Variants in GNAS observed in about 807,000 individuals in gnomAD.
The protein encoded by GNAS is GNAS complex locus, also known as protein ALEX.
GNAS carries 8 observed loss-of-function variants against 54.5 expected under a neutral mutation model. That is an observed-to-expected ratio of 0.15 (90% CI 0.09 to 0.26). The LOEUF (loss-of-function observed/expected upper bound fraction) is 0.26, where lower values mean the gene tolerates loss of function less well. GNAS is among the 10% of genes least tolerant of loss of function. GNAS has a pLI of 1.00. For missense variants in GNAS, 170 were observed against 529.8 expected (o/e 0.32, Z 6.67); for synonymous variants, 204 against 191.4 (o/e 1.07, Z -0.54).
chr20:58,890,810 G>C (rs2089146420), upstream of GNAS: 1 of 151,684 alleles, frequency 6.6e-6, no homozygotes, highest in South Asian at 2.1e-4. Context: ...ATTCGTGTTC[G>C]TGTGTGTGTG....
intron 1 of GNAS, among the ~76,000 whole-genome samples, chr20:58,877,300 T>C (rs1204630958): frequency 1.3e-5 from 2 of 152,086 alleles, no homozygotes; most frequent in African/African-American, 4.8e-5. Context: ...AGCCCTTCCC[T>C]GAGCCTGTGC....
At position 58,863,581 on chromosome 20, in the gene GNAS, G is replaced by A. The variant is rs2086886415; in HGVS notation, c.43+22695G>A. The A allele has an allele frequency of 6.6e-6, 1 of 152,014 alleles. No homozygotes were observed. The highest frequency in any genetic ancestry group is 2.1e-4 in the South Asian group (1 of 4,814). The allele number at this position is 152,014 out of a possible 1,614,324, so 9.4% of individuals were successfully genotyped here. A position where few individuals can be genotyped will look rare whatever the true frequency, so the allele number is the denominator to read the frequency against. On this transcript the variant is annotated intron_variant, in intron 1 of 12. Transcript: ENST00000306090. This position sits in a 1 kb window ranked among gnomAD's most constrained non-coding sequence, Gnocchi z 4.1. ...AACTTCCTTTAATGAGTTGATAATGGGAAGGAAAAAAATCTCTGTACTACT... is the reference window on the plus strand; with the variant it reads ...AACTTCCTTTAATGAGTTGATAATGAGAAGGAAAAAAATCTCTGTACTACT...
intron 1 of GNAS, chr20:58,852,967 G>A: frequency 8.8e-7 from 1 of 1,134,934 alleles, no homozygotes; most frequent in Non-Finnish European, 1.1e-6. Flanking sequence ...AAAAGAAAGA[G>A]AGAGGAGGGC....
chr20:58,896,510 C>T (rs776987817), intron 2 of GNAS, among the ~76,000 whole-genome samples: 2 of 152,032 alleles, frequency 1.3e-5, no homozygotes, highest in Admixed American at 6.5e-5. Flanking sequence ...TTAGGAAGCC[C>T]TGCCTGGCAT....
chr20:58,853,515 G>A lies in GNAS; in HGVS notation c.43+12629G>A. 6.2e-7 allele frequency: 1 copy of A among 1,613,242 alleles called. No individual in the cohort carries two copies. On this transcript the variant is annotated intron_variant, in intron 1 of 12. Coordinates refer to the GNAS transcript ENST00000306090. This position sits in a 1 kb window ranked among gnomAD's most constrained non-coding sequence, Gnocchi z 4.4. ...ACCCAACTTTCAGGTCCTCAACCCG[G>A]CATTCAGGGAAGCTGGAGCCCATGG...
Position 58,891,842 on chromosome 20 carries a change from C to G in GNAS, c.116C>G (p.Ala39Gly). 8.1e-7 allele frequency: 1 copy of G among 1,239,792 alleles called. No individual in the cohort carries two copies. The highest frequency in any genetic ancestry group is 1.4e-5 in the South Asian group (1 of 71,078). The allele number at this position is 1,239,792 out of a possible 1,614,324, so 76.8% of individuals were successfully genotyped here. Residue 39 changes from alanine (A) to glycine (G), a missense_variant, in exon 1 of 13, where the codon GCC becomes GGC. By Grantham distance (60) the Ala-to-Gly change is moderately conservative. Around this residue, in one of 3 missense-constraint regions of GNAS, gnomAD observed 56 missense variants for 55.7 expected, o/e 1.01. Transcript: ENST00000371085. ...CAGAAGGACAAGCAGGTCTACCGGG[C>G]CACGCACCGCCTGCTGCTGCTGGGT... ...QLQKDKQVYR[A>G]THRLLLLGAG...
At chr20:58,886,522 G>A (rs189569955), upstream of GNAS, among the ~76,000 whole-genome samples, 1 of 152,220 alleles carries the variant, frequency 6.6e-6, no homozygotes, top group African/African-American at 2.4e-5. Flanking sequence ...TCTCTCATCT[G>A]GACTGTTCCA....
chr20:58,841,635 T>A lies in GNAS; in HGVS notation c.43+749T>A. 1 of 1,087,476 alleles carries A rather than the reference T, an allele frequency of 9.2e-7. No homozygotes were observed. Among genetic ancestry groups the A allele is most frequent in the Non-Finnish European group, 1.1e-6 (1 of 896,172 alleles). The allele number at this position is 1,087,476 out of a possible 1,614,324, so 67.4% of individuals were successfully genotyped here. On this transcript the variant is annotated intron_variant, in intron 1 of 12. Transcript: ENST00000306090. This position sits in a 1 kb window ranked among gnomAD's most constrained non-coding sequence, Gnocchi z 5.0. ...CTGCCCGCGCGCGCCGGAGCTGACC[T>A]CTCCCGGCGGCGGGCGGTTAGGGGA...
chr20:58,871,629 A>C (rs1337409406), intron 1 of GNAS, among the ~76,000 whole-genome samples: 2 of 142,678 alleles, frequency 1.4e-5, no homozygotes, highest in African/African-American at 5.1e-5. Flanking sequence ...AAAAAAAAAA[A>C]CAAACAACAA....
intron 1 of GNAS, among the ~76,000 whole-genome samples, chr20:58,870,606 G>T (rs972752613): frequency 6.6e-6 from 1 of 152,210 alleles, no homozygotes; most frequent in African/African-American, 2.4e-5. Context: ...ATCCTGTCTT[G>T]GGTCCCGGGG....
intron 6 of GNAS, 54 bp downstream of exon 6, chr20:58,905,534 A>G (rs2090983982): frequency 4.1e-6 from 4 of 975,660 alleles, no homozygotes; most frequent in Admixed American, 3.4e-5. Context: ...AAACAAGAAA[A>G]CATGAAAACC....
chr20:58,901,273 A>G (rs2090578775), intron 3 of GNAS, among the ~76,000 whole-genome samples: 1 of 152,208 alleles, frequency 6.6e-6, no homozygotes, highest in African/African-American at 2.4e-5. Flanking sequence ...TAACATCTAA[A>G]TAATCGATGT....
At chr20:58,870,206 C>T (rs2087347477) in intron 1 of GNAS, among the ~76,000 whole-genome samples, 6 of 152,236 alleles carry the variant, frequency 3.9e-5, no homozygotes, top group Admixed American at 3.9e-4. Flanking sequence ...TTAAGGTAAA[C>T]GTCCCTCCCA....
rs990380693 is a variant in GNAS, at chr20:58,891,901, G to A, written c.139+36G>A. 6 of 1,044,574 alleles carry A rather than the reference G, an allele frequency of 5.7e-6. No homozygotes were observed. The African/African-American group carries it at 1.1e-4, about 18-fold the overall frequency. 64.7% of individuals were successfully genotyped at this position (1,044,574 alleles called of 1,614,324 possible). On this transcript the variant is annotated intron_variant, in intron 1 of 12. Coordinates refer to ENST00000371085, the MANE Select transcript of GNAS (RefSeq NM_000516.7). ...GCGGGGGGCGCCGGCCCCGGCCCGG[G>A]GGCCCTCGAAGGGCGCCCCGCAGGC...
At chr20:58,908,596 G>A (rs2091235880) in intron 6 of GNAS, among the ~76,000 whole-genome samples, 1 of 152,024 alleles carries the variant, frequency 6.6e-6, no homozygotes, top group Non-Finnish European at 1.5e-5. Flanking sequence ...TTAACTGAAT[G>A]ATATAGAGGT....
chr20:58,842,693 G>C (rs1019063574), intron 1 of GNAS: 2 of 395,776 alleles, frequency 5.1e-6, no homozygotes, highest in Non-Finnish European at 8.9e-6. Context: ...TGTAAACAAT[G>C]ATGGTGTGTT....
rs555306299 is a variant in GNAS at position 58,893,302 on chromosome 20, C to G, written c.139+1437C>G. On this transcript the variant is annotated intron_variant, in intron 1 of 12. Coordinates refer to ENST00000371085, the MANE Select transcript of GNAS (RefSeq NM_000516.7). ...AACTATAAGGAGATGGCCTTTCCTC[C>G]TTTTTTTTCTTAAGGTGCTGTTTTG... Among the ~76,000 whole-genome samples the G allele has an allele frequency of 2.0e-5, 3 of 151,604 alleles. No individual in the cohort carries two copies. In the East Asian group the frequency reaches 5.8e-4, roughly 29 times the overall value.
In GNAS at chr20:58,891,476, C is replaced by T. The variant is rs1295000782; in HGVS notation, c.-251C>T. On this transcript the variant is annotated 5_prime_UTR_variant, in exon 1 of 13. Coordinates refer to ENST00000371085, the MANE Select transcript of GNAS (RefSeq NM_000516.7). ...CCTCGGCCCGGCGGCGGCCATCAGC[C>T]CCCTCGGCCTCGGCTCGAGGGGCGG... 9.8e-6 allele frequency: 9 copies of T among 922,344 alleles called. No individual in the cohort carries two copies. The highest frequency in any genetic ancestry group is 1.2e-5 in the Non-Finnish European group (9 of 774,594). The allele number at this position is 922,344 out of a possible 1,614,324, so 57.1% of individuals were successfully genotyped here.
At chr20:58,879,532 A>G (rs1373050190) in intron 1 of GNAS, among the ~76,000 whole-genome samples, 1 of 152,188 alleles carries the variant, frequency 6.6e-6, no homozygotes. Context: ...TTTTGTCTAT[A>G]AACAACCAGT....
Sources: allele counts gnomAD v4.1 joint callset (sites outside exome capture counted in the v4.1 genomes callset), GRCh38; gene constraint gnomAD v4.1.1; regional missense constraint gnomAD v4.1.1; non-coding constraint Gnocchi (gnomAD v3.1); transcripts MANE v1.5; gene names NCBI Gene and HGNC (gene_info 2026-07-23, HGNC 2026-07-21).